NETO2: variants seen among roughly 807,000 people sequenced by gnomAD.
The protein encoded by NETO2 is neuropilin and tolloid-like protein 2.
NETO2 carries 28 observed loss-of-function variants against 62.5 expected under a neutral mutation model. The observed-to-expected ratio is 0.45, with a 90% CI of 0.33 to 0.61. The LOEUF (loss-of-function observed/expected upper bound fraction) is 0.61. Among genes scored for constraint, NETO2 ranks in the 20% least tolerant of loss-of-function variants. The probability of loss-of-function intolerance (pLI) is 0.02; values close to 1 mark genes in which losing one functional copy is unlikely to be tolerated. For missense variants in NETO2, 548 were observed against 643.2 expected (o/e 0.85, Z 1.60); for synonymous variants, 214 against 219.1 (o/e 0.98, Z 0.21).
chr16:47,126,479 A>C (rs958597004), intron 4 of NETO2, among the ~76,000 whole-genome samples: 1 of 152,178 alleles, frequency 6.6e-6, no homozygotes, highest in African/African-American at 2.4e-5. Context: ...GGGGAAAGGG[A>C]GGGACCAACA....
chr16:47,105,420 A>C (rs1212316175), intron 7 of NETO2, among the ~76,000 whole-genome samples: 1 of 152,216 alleles, frequency 6.6e-6, no homozygotes, highest in East Asian at 1.9e-4. Context: ...GAAAAGCTTC[A>C]TGACATTGGT....
chr16:47,141,882 G>A (rs115861520), intron 1 of NETO2, among the ~76,000 whole-genome samples: 1 of 152,320 alleles, frequency 6.6e-6, no homozygotes, highest in African/African-American at 2.4e-5. Flanking sequence ...TGCACCCACG[G>A]GAAAGGCAAA....
chr16:47,115,714 C>T (rs28869214), intron 6 of NETO2, among the ~76,000 whole-genome samples: 7 of 128,466 alleles, frequency 5.4e-5, no homozygotes, highest in African/African-American at 2.5e-4. Flanking sequence ...TATATATATA[C>T]ATATATATAT....
chr16:47,122,424 T>C (rs549996088), intron 6 of NETO2, among the ~76,000 whole-genome samples: 60 of 152,320 alleles, frequency 3.9e-4, no homozygotes, highest in African/African-American at 1.3e-3. Context: ...ATTGAGAATC[T>C]TAATATATAT....
chr16:47,109,554 A>G lies in NETO2; in HGVS notation c.812T>C (p.Val271Ala). 6.2e-7 allele frequency: 1 copy of G among 1,613,970 alleles called. No homozygotes were observed. The highest frequency in any genetic ancestry group is 1.1e-5 in the South Asian group (1 of 91,064). Residue 271 changes from valine to alanine, a missense_variant, in exon 7 of 9, where the codon GTG becomes GCG. Val to Ala is a moderately conservative substitution (Grantham distance 64, BLOSUM62 0). Transcript: ENST00000562435. ...NDVMLKTGIGVIRMWADEGSR... is the reference protein window; with the variant it reads ...NDVMLKTGIGAIRMWADEGSR... ...ACCTTCATCTGCCCACATTCGAATC[A>G]CTCCAATTCCTGTTTTAAGCATTAC...
At chr16:47,122,968 G>A (rs770156766) in intron 4 of NETO2, 56 bp from the exon 5 acceptor site, 28 of 1,507,528 alleles carry the variant, frequency 1.9e-5, no homozygotes, top group South Asian at 4.6e-5. Context: ...TTTAATCCTC[G>A]ATGTCTTACA....
At chr16:47,126,701 G>A (rs578244351) in intron 4 of NETO2, among the ~76,000 whole-genome samples, 1 of 152,320 alleles carries the variant, frequency 6.6e-6, no homozygotes, top group African/African-American at 2.4e-5. Context: ...GATGCTGATG[G>A]AAAGGGAGGC....
intron 6 of NETO2, among the ~76,000 whole-genome samples, chr16:47,116,142 GTTTTTTT>G (rs150157077): frequency 7.6e-6 from 1 of 131,510 alleles, no homozygotes; most frequent in East Asian, 2.2e-4. Flanking sequence ...AGGGTTTTCT[GTTTTTTT>G]TTTTTTTTTC....
At chr16:47,138,435 A>G (rs890036923) in intron 1 of NETO2, among the ~76,000 whole-genome samples, 1 of 152,160 alleles carries the variant, frequency 6.6e-6, no homozygotes, top group African/African-American at 2.4e-5. Context: ...CCCATAATCT[A>G]CAATGATTTC....
intron 1 of NETO2, among the ~76,000 whole-genome samples, chr16:47,135,334 T>A (rs1181365442): frequency 6.6e-6 from 1 of 152,172 alleles, no homozygotes; most frequent in Non-Finnish European, 1.5e-5. Flanking sequence ...ATCAATTATA[T>A]CTCAAATACA....
At chr16:47,109,808 C>A in intron 6 of NETO2, 97 bp from the exon 7 acceptor site, 1 of 787,808 alleles carries the variant, frequency 1.3e-6, no homozygotes. Flanking sequence ...CACCGAATGA[C>A]AGCTGACAGA....
intron 7 of NETO2, among the ~76,000 whole-genome samples, chr16:47,087,172 G>A (rs1963210388): frequency 6.6e-6 from 1 of 151,972 alleles, no homozygotes; most frequent in African/African-American, 2.4e-5. Flanking sequence ...GGGACTACAG[G>A]CACGAGCCAT....
intron 4 of NETO2, among the ~76,000 whole-genome samples, chr16:47,125,618 T>C (rs891701175): frequency 6.6e-5 from 10 of 152,310 alleles, no homozygotes; most frequent in Non-Finnish European, 1.5e-4. Context: ...AGTGCTGGGA[T>C]TACAGGTGTA....
At chr16:47,100,991 C>T (rs1367438415) in intron 7 of NETO2, among the ~76,000 whole-genome samples, 1 of 152,126 alleles carries the variant, frequency 6.6e-6, no homozygotes, top group Non-Finnish European at 1.5e-5. Context: ...CTGGCAGAGA[C>T]ACAACAAAAA....
intron 1 of NETO2, 114 bp from the exon 2 acceptor site, chr16:47,132,139 C>G (rs904122212): frequency 8.8e-6 from 7 of 797,424 alleles, no homozygotes; most frequent in Non-Finnish European, 1.5e-5. Context: ...CTATTTATTA[C>G]TCAAAATTCA....
chr16:47,085,972 G>A (rs1456865441), intron 8 of NETO2, among the ~76,000 whole-genome samples: 1 of 151,764 alleles, frequency 6.6e-6, no homozygotes, highest in Non-Finnish European at 1.5e-5. Context: ...CGGGCGTGGT[G>A]GCAGGCACCT....
chr16:47,142,349 C>T (rs1964477337), intron 1 of NETO2, among the ~76,000 whole-genome samples: 1 of 152,132 alleles, frequency 6.6e-6, no homozygotes, highest in African/African-American at 2.4e-5. Flanking sequence ...GGTAGTTAAA[C>T]GTTTCGAATT....
At chr16:47,117,797 A>G (rs926636450) in intron 6 of NETO2, among the ~76,000 whole-genome samples, 6 of 152,058 alleles carry the variant, frequency 3.9e-5, no homozygotes, top group African/African-American at 1.4e-4. Flanking sequence ...AGAATTTTTG[A>G]TAATTCTGGC....
chr16:47,128,118 G>A (rs956195459), intron 4 of NETO2, among the ~76,000 whole-genome samples: 2 of 152,144 alleles, frequency 1.3e-5, no homozygotes, highest in African/African-American at 4.8e-5. Flanking sequence ...TCTCTGATAT[G>A]CTTCAAAATT....
Sources: gnomAD v4.1 joint callset for allele counts (sites outside exome capture counted in the v4.1 genomes callset) on GRCh38, gnomAD v4.1.1 for gene constraint, MANE v1.5 for transcripts, NCBI Gene and HGNC (gene_info 2026-07-23, HGNC 2026-07-21) for gene names.